The following ZNF91 variants were observed in gnomAD, a reference collection of about 807,000 sequenced individuals.
The protein encoded by ZNF91 is zinc finger protein 91.
ZNF91 carries 7 observed loss-of-function variants against 12.6 expected under a neutral mutation model. The observed-to-expected ratio is 0.55, with a 90% CI of 0.31 to 1.04. ZNF91 has a LOEUF of 1.04. Ranked by LOEUF, ZNF91 falls within the 50% of genes least tolerant of loss-of-function variation. The pLI is 0.05. For synonymous variants in ZNF91, 453 were observed against 462.6 expected (o/e 0.98, Z 0.27); for missense variants, 1,217 against 1,385.4 (o/e 0.88, Z 1.93).
At chr19:23,313,425 CTCT>C (rs1267238185), upstream of ZNF91, among the ~76,000 whole-genome samples, 1 of 152,208 alleles carries the variant, frequency 6.6e-6, no homozygotes, top group Non-Finnish European at 1.5e-5. Context: ...GATGTGACTC[CTCT>C]TCTTTTTATG....
chr19:23,363,666 TATG>T (rs1216952780), intron 3 of ZNF91, among the ~76,000 whole-genome samples: 34 of 152,246 alleles, frequency 2.2e-4, no homozygotes, highest in African/African-American at 8.2e-4. Flanking sequence ...AATAGGGCAA[TATG>T]ATGCCACCAA....
Position 23,362,600 on chromosome 19 carries a change from T to G in ZNF91, c.379A>C (p.Lys127Gln). 6.3e-7 allele frequency: 1 copy of G among 1,596,688 alleles called. No individual in the cohort carries two copies. Among genetic ancestry groups the G allele is most frequent in the Non-Finnish European group, 8.5e-7 (1 of 1,174,822 alleles). ...HENLQLRKGC[K>Q]SVDECKVHKE... ...TGCACCTTACACTCATCCACACTTT[T>G]ACAACCTTTTCTTAACTGTAAATTC... Residue 127 changes from lysine (K) to glutamine (Q), a missense_variant, in exon 4 of 4, where the codon AAA (lysine) becomes CAA (glutamine). By Grantham distance (53) the Lys-to-Gln change is moderately conservative. Coordinates refer to ENST00000300619, the MANE Select transcript of ZNF91 (RefSeq NM_003430.4).
chr19:23,341,280 A>G (rs1000118544), intron 3 of ZNF91, among the ~76,000 whole-genome samples: 3 of 151,870 alleles, frequency 2.0e-5, no homozygotes, highest in African/African-American at 7.3e-5. Context: ...CAAACTTCTG[A>G]CCTCATGACC....
At chr19:23,387,367 CA>C in intron 1 of ZNF91, among the ~76,000 whole-genome samples, 1 of 152,294 alleles carries the variant, frequency 6.6e-6, no homozygotes, top group African/African-American at 2.4e-5. Context: ...GCACTATTCA[CA>C]ATAGCAAAGA....
intron 3 of ZNF91, chr19:23,306,794 A>AC (rs1555731023): frequency 2.0e-5 from 3 of 150,624 alleles, no homozygotes; most frequent in Admixed American, 6.6e-5. Context: ...TCCTTTCTTT[A>AC]TTTTTTTTTC....
At chr19:23,313,177 T>C (rs569927431), upstream of ZNF91, among the ~76,000 whole-genome samples, 20 of 152,326 alleles carry the variant, frequency 1.3e-4, no homozygotes, top group South Asian at 4.1e-3. Context: ...TTCTATGACT[T>C]TCCTACAGGT....
intron 1 of ZNF91, among the ~76,000 whole-genome samples, chr19:23,382,905 G>A (rs1969767442): frequency 6.6e-6 from 1 of 152,158 alleles, no homozygotes; most frequent in Non-Finnish European, 1.5e-5. Context: ...GACATTCACA[G>A]GTGGACCAGA....
chr19:23,307,972 G>T (rs754733785), intron 2 of ZNF91: 1 of 152,200 alleles, frequency 6.6e-6, no homozygotes, highest in African/African-American at 2.4e-5. Flanking sequence ...TGACTCTCCC[G>T]CATGGGTCCT....
chr19:23,327,251 T>C (rs1051172161), intron 1 of ZNF91: 5 of 152,346 alleles, frequency 3.3e-5, no homozygotes, highest in Admixed American at 1.3e-4. Context: ...AAAAGAATCA[T>C]GTGTACTGTT....
chr19:23,385,247 C>T, intron 1 of ZNF91: 1 of 548,696 alleles, frequency 1.8e-6, no homozygotes. Context: ...GATATTGGGC[C>T]CTCACTTTTG....
intron 1 of ZNF91, chr19:23,384,610 C>A: frequency 1.2e-6 from 1 of 854,768 alleles, no homozygotes; most frequent in South Asian, 3.5e-5. Flanking sequence ...ATTCTGTCTC[C>A]CGATATCATC....
chr19:23,353,046 G>T (rs1968405642), downstream of ZNF91, among the ~76,000 whole-genome samples: 2 of 152,136 alleles, frequency 1.3e-5, no homozygotes, highest in Non-Finnish European at 2.9e-5. Flanking sequence ...CACTAGACAG[G>T]TCATCAAGAC....
At chr19:23,338,612 TAAATC>T (rs1405533985), downstream of ZNF91, 3 of 151,384 alleles carry the variant, frequency 2.0e-5, no homozygotes, top group Non-Finnish European at 2.9e-5. Context: ...CAAAGTGAAA[TAAATC>T]AAATCACAAC....
rs368325654 is a variant in ZNF91, at chr19:23,323,943, TTCC to T, written n.117-14849_117-14847del. 1.0e-3 allele frequency: 151 copies of T among 146,778 alleles called. No individual in the cohort carries two copies. The East Asian group carries it at 0.027, about 26-fold the overall frequency. 9.1% of individuals were successfully genotyped at this position (146,778 alleles called of 1,614,324 possible). A position where few individuals can be genotyped will look rare whatever the true frequency, so the allele number is the denominator to read the frequency against. On this transcript the variant is annotated intron_variant and non_coding_transcript_variant, in intron 1 of 1. Coordinates refer to the ZNF91 transcript ENST00000596528. ...TTTCTCCTCCTCCTTCTCTTCTCCT[TTCC>T]TCCTCCTCTCCTTCACCTCTTCATC...
chr19:23,318,513 G>T (rs998526068), intron 1 of ZNF91, among the ~76,000 whole-genome samples: 18 of 152,108 alleles, frequency 1.2e-4, no homozygotes, highest in Admixed American at 2.0e-4. Context: ...ACCTCAGAAA[G>T]CTTTCTGACA....
Position 23,359,103 on chromosome 19 carries a change from T to C in ZNF91, c.*300A>G. On this transcript the variant is annotated 3_prime_UTR_variant, in exon 4 of 4. Coordinates refer to ENST00000300619, the MANE Select transcript of ZNF91 (RefSeq NM_003430.4). Reference sequence around the variant, plus strand: ...AGGACCAGAAAAAGGATTTGCCACATTCTTCACATTTGTAGAGTTTTACTC... The same window carrying C: ...AGGACCAGAAAAAGGATTTGCCACACTCTTCACATTTGTAGAGTTTTACTC... The C allele has an allele frequency of 1.8e-6, 1 of 563,174 alleles. No homozygotes were observed. Among genetic ancestry groups the C allele is most frequent in the Non-Finnish European group, 3.4e-6 (1 of 295,204 alleles). The allele number at this position is 563,174 out of a possible 1,614,324, so 34.9% of individuals were successfully genotyped here. A position where few individuals can be genotyped will look rare whatever the true frequency, so the allele number is the denominator to read the frequency against.
At chr19:23,373,883 A>G in intron 2 of ZNF91, 46 bp from the exon 3 acceptor site, 1 of 1,424,254 alleles carries the variant, frequency 7.0e-7, no homozygotes, top group Non-Finnish European at 9.6e-7. Flanking sequence ...CATATTCTCC[A>G]CCTGCCAACT....
At chr19:23,366,470 CT>C (rs1264323371) in intron 3 of ZNF91, among the ~76,000 whole-genome samples, 1 of 152,166 alleles carries the variant, frequency 6.6e-6, no homozygotes, top group East Asian at 1.9e-4. Flanking sequence ...ACATTATACA[CT>C]GATTTATCAT....
chr19:23,393,478 A>C (rs1182394133), intron 1 of ZNF91, among the ~76,000 whole-genome samples: 1 of 152,138 alleles, frequency 6.6e-6, no homozygotes, highest in Admixed American at 6.5e-5. Flanking sequence ...TCCAAGAAAA[A>C]ACTGAAGGGT....
Sources: allele counts gnomAD v4.1 joint callset (sites outside exome capture counted in the v4.1 genomes callset), GRCh38; gene constraint gnomAD v4.1.1; transcripts MANE v1.5; gene names NCBI Gene and HGNC (gene_info 2026-07-23, HGNC 2026-07-21).